Variants in ZNF138 observed in about 807,000 individuals in gnomAD.
The protein encoded by ZNF138 is zinc finger protein 138, also known as zinc finger protein 138 (clone pHZ-32).
In ZNF138, 33 loss-of-function variants were observed where a neutral mutation model predicts 33.0. The ratio of observed to expected loss-of-function variants is 1.00; its 90% CI spans 0.76 to 1.34. ZNF138 has a LOEUF of 1.34. Ranked by LOEUF, ZNF138 falls within the 40% of genes most tolerant of loss-of-function variation. The pLI is 0.00. For missense variants in ZNF138, 360 were observed against 370.8 expected (o/e 0.97, Z 0.24); for synonymous variants, 139 against 120.4 (o/e 1.15, Z -1.01).
chr7:64,839,974 C>T, the ZNF138 span, among the ~76,000 whole-genome samples: 5 of 145,616 alleles, frequency 3.4e-5, no homozygotes, highest in Admixed American at 1.4e-4. Context: ...TTTATGGATG[C>T]TGGGTGAGGA....
intron 1 of ZNF138, 63 bp from the exon 2 acceptor site, chr7:64,814,855 T>G: frequency 1.9e-6 from 3 of 1,600,976 alleles, no homozygotes; most frequent in South Asian, 2.2e-5. Context: ...GAGTCAAATT[T>G]AAAATTCTGC....
At chr7:64,799,386 T>C (rs1786961178) in intron 1 of ZNF138, among the ~76,000 whole-genome samples, 1 of 151,986 alleles carries the variant, frequency 6.6e-6, no homozygotes, top group Non-Finnish European at 1.5e-5. Context: ...TGGTCTTGAA[T>C]TCCCAACCTC....
At chr7:64,840,331 C>T in the ZNF138 span, among the ~76,000 whole-genome samples, 1 of 152,308 alleles carries the variant, frequency 6.6e-6, no homozygotes, top group East Asian at 1.9e-4. Context: ...ACATAATGGA[C>T]TAACATCTCC....
chr7:64,849,805 A>G, the ZNF138 span, among the ~76,000 whole-genome samples: 1 of 151,868 alleles, frequency 6.6e-6, no homozygotes, highest in Admixed American at 6.6e-5. Context: ...CATGCTCCCC[A>G]CCCCCAAGAG....
rs1790171893 is a variant in ZNF138 at position 64,832,420 on chromosome 7, G to A, written c.*218G>A. 1.3e-6 allele frequency: 2 copies of A among 1,485,404 alleles called. No individual in the cohort carries two copies. Among genetic ancestry groups the A allele is most frequent in the African/African-American group, 1.4e-5 (1 of 70,960 alleles). The allele number at this position is 1,485,404 out of a possible 1,614,324, so 92.0% of individuals were successfully genotyped here. On this transcript the variant is annotated 3_prime_UTR_variant, in exon 4 of 4. Transcript: ENST00000307355. The stretch of plus-strand genomic sequence containing the variant: ...CATACTGGAGAAAAACCCTACAAAT[G>A]TAAAGAATGTGGAAAAGCTTTTCAC...
chr7:64,794,500 C>T lies in ZNF138; in HGVS notation c.-69C>T. On this transcript the variant is annotated 5_prime_UTR_variant, in exon 1 of 4. Transcript: ENST00000307355. ...CCTCTTACTCCTAGAGGCCCAGCCT[C>T]TGTGGCGCTGTGATCTGGTTATTGG... is the stretch of plus-strand genomic sequence containing the variant. 1.2e-6 allele frequency: 2 copies of T among 1,608,572 alleles called. No individual in the cohort carries two copies. The highest frequency in any genetic ancestry group is 1.7e-6 in the Non-Finnish European group (2 of 1,176,298).
At chr7:64,794,740 C>T (rs1369361536) in intron 1 of ZNF138, among the ~76,000 whole-genome samples, 169 bp downstream of exon 1, 2 of 152,222 alleles carry the variant, frequency 1.3e-5, no homozygotes, top group Non-Finnish European at 2.9e-5. Flanking sequence ...AGCATGGCAG[C>T]TGGGCTGACA....
At chr7:64,824,072 T>C (rs1481846617) in intron 3 of ZNF138, among the ~76,000 whole-genome samples, 1 of 152,232 alleles carries the variant, frequency 6.6e-6, no homozygotes, top group African/African-American at 2.4e-5. Flanking sequence ...CTAGTTGGTC[T>C]GTAATATGGT....
At chr7:64,797,997 G>A (rs1413957518) in intron 1 of ZNF138, among the ~76,000 whole-genome samples, 1 of 152,108 alleles carries the variant, frequency 6.6e-6, no homozygotes, top group Non-Finnish European at 1.5e-5. Flanking sequence ...CTGGAGTGCA[G>A]TGGCTGGATA....
the ZNF138 span, among the ~76,000 whole-genome samples, chr7:64,842,957 G>T: frequency 2.6e-5 from 4 of 151,964 alleles, no homozygotes; most frequent in Non-Finnish European, 5.9e-5. Flanking sequence ...TGTATTTTTT[G>T]ATCAACATCT....
intron 1 of ZNF138, among the ~76,000 whole-genome samples, chr7:64,798,487 C>T (rs1002212430): frequency 6.6e-6 from 1 of 152,092 alleles, no homozygotes; most frequent in Non-Finnish European, 1.5e-5. Flanking sequence ...ATTCCAGTAC[C>T]ATTTTATTAA....
the ZNF138 span, chr7:64,852,735 C>CTGA: frequency 1.0e-6 from 1 of 993,968 alleles, no homozygotes; most frequent in South Asian, 1.3e-5. Context: ...TGCACAGCCA[C>CTGA]TGCCCCCTGT....
intron 1 of ZNF138, among the ~76,000 whole-genome samples, chr7:64,802,270 C>A (rs2128987015): frequency 1.3e-5 from 2 of 152,188 alleles, no homozygotes; most frequent in South Asian, 4.1e-4. Context: ...ATTGTGGAGA[C>A]CAAGTTTTAT....
intron 1 of ZNF138, among the ~76,000 whole-genome samples, chr7:64,807,765 A>T (rs190869827): frequency 2.0e-5 from 3 of 152,158 alleles, no homozygotes; most frequent in Admixed American, 6.5e-5. Flanking sequence ...AGCTTTTCAG[A>T]TCTTGTTCAG....
intron 3 of ZNF138, among the ~76,000 whole-genome samples, chr7:64,825,429 C>A (rs1242036857): frequency 6.6e-6 from 1 of 151,708 alleles, no homozygotes; most frequent in Non-Finnish European, 1.5e-5. Flanking sequence ...CCTTGGCCTC[C>A]CAAAGTGCTG....
intron 1 of ZNF138, among the ~76,000 whole-genome samples, chr7:64,795,717 GAT>G (rs1200308997): frequency 1.3e-5 from 2 of 150,380 alleles, no homozygotes; most frequent in African/African-American, 4.9e-5. Context: ...TAGGTACAGA[GAT>G]CTTATCAGAA....
chr7:64,849,921 G>A, the ZNF138 span, among the ~76,000 whole-genome samples: 1 of 152,164 alleles, frequency 6.6e-6, no homozygotes, highest in African/African-American at 2.4e-5. Flanking sequence ...CTTGCTGCCT[G>A]TGGAGTCTGC....
chr7:64,846,259 C>G, the ZNF138 span, among the ~76,000 whole-genome samples: 4 of 151,940 alleles, frequency 2.6e-5, no homozygotes, highest in Non-Finnish European at 2.9e-5. Flanking sequence ...TTTTTTGGTT[C>G]CATATGAATC....
the ZNF138 span, among the ~76,000 whole-genome samples, chr7:64,842,231 T>C: frequency 2.0e-5 from 3 of 152,176 alleles, no homozygotes; most frequent in Non-Finnish European, 4.4e-5. Context: ...ACCCAGCTAA[T>C]TTTTGTATTT....
Sources: gnomAD v4.1 joint callset for allele counts (sites outside exome capture counted in the v4.1 genomes callset) on GRCh38, gnomAD v4.1.1 for gene constraint, MANE v1.5 for transcripts, NCBI Gene and HGNC (gene_info 2026-07-23, HGNC 2026-07-21) for gene names.